The following PTPRB variants were observed in gnomAD, a reference collection of about 807,000 sequenced individuals.
The protein encoded by PTPRB is protein tyrosine phosphatase receptor type B.
A neutral mutation model predicts 238.1 loss-of-function variants in PTPRB; 97 were observed. That is an observed-to-expected ratio of 0.41 (90% CI 0.35 to 0.48). The LOEUF (loss-of-function observed/expected upper bound fraction) is 0.48, where lower values mean the gene tolerates loss of function less well. Ranked by LOEUF, PTPRB falls within the 20% of genes least tolerant of loss-of-function variation. The pLI, the probability that PTPRB is intolerant of heterozygous loss-of-function variation, is 0.30. For synonymous variants in PTPRB, 970 were observed against 995.4 expected (o/e 0.97, Z 0.48); for missense variants, 2,292 against 2,681.9 (o/e 0.85, Z 3.21).
chr12:70,572,705 G>C (rs1248875560), intron 11 of PTPRB, among the ~76,000 whole-genome samples: 1 of 150,318 alleles, frequency 6.7e-6, no homozygotes, highest in African/African-American at 2.4e-5. Context: ...GGAGGCACAG[G>C]TTGCAGTGAA....
intron 32 of PTPRB, among the ~76,000 whole-genome samples, chr12:70,530,489 TAC>T (rs67270508): frequency 4.0e-5 from 6 of 149,594 alleles, no homozygotes; most frequent in African/African-American, 7.4e-5. Context: ...TGACATGTAT[TAC>T]ACACATACAT....
intron 11 of PTPRB, among the ~76,000 whole-genome samples, chr12:70,573,137 T>C (rs1263154767): frequency 1.3e-5 from 2 of 152,222 alleles, no homozygotes; most frequent in African/African-American, 4.8e-5. Context: ...ATCTTACCTG[T>C]ATAATAAGTA....
chr12:70,539,481 T>C, intron 26 of PTPRB, 144 bp downstream of exon 26: 1 of 664,468 alleles, frequency 1.5e-6, no homozygotes, highest in Non-Finnish European at 2.6e-6. Context: ...GGGCATAGTT[T>C]AGGCATAAAA....
intron 16 of PTPRB, among the ~76,000 whole-genome samples, chr12:70,561,588 C>T (rs968674711): frequency 6.6e-6 from 1 of 152,184 alleles, no homozygotes; most frequent in African/African-American, 2.4e-5. Context: ...ATGATGACAT[C>T]TAGGCAATTC....
intron 2 of PTPRB, among the ~76,000 whole-genome samples, chr12:70,629,176 A>C (rs17108445): frequency 0.13 from 19,942 of 152,090 alleles, 2,198 homozygotes; most frequent in African/African-American, 0.29. Flanking sequence ...ATTACCCTTG[A>C]AACATTTTTT....
At chr12:70,614,131 A>G (rs1333192638) in intron 3 of PTPRB, among the ~76,000 whole-genome samples, 3 of 152,120 alleles carry the variant, frequency 2.0e-5, no homozygotes, top group Non-Finnish European at 4.4e-5. Context: ...TAGAAATGTA[A>G]ACTTACCAGC....
chr12:70,585,228 G>A (rs145095119), intron 9 of PTPRB: 4,301 of 152,056 alleles, frequency 0.028, 85 homozygotes, highest in Non-Finnish European at 0.04. Flanking sequence ...CAAAGTGCTG[G>A]GATTACAGAT....
chr12:70,575,297 C>T (rs1880555740), intron 11 of PTPRB, among the ~76,000 whole-genome samples: 1 of 152,162 alleles, frequency 6.6e-6, no homozygotes, highest in Non-Finnish European at 1.5e-5. Context: ...ATTCTAAGGA[C>T]CCCTTCAATG....
intron 15 of PTPRB, among the ~76,000 whole-genome samples, chr12:70,565,073 T>A (rs746705891): frequency 6.6e-6 from 1 of 152,110 alleles, no homozygotes; most frequent in South Asian, 2.1e-4. Context: ...CACTTCTGTA[T>A]ATCCAGCAGT....
rs75296321 is a variant in PTPRB at position 70,574,056 on chromosome 12, A to C, written c.2843-1969T>G. ...ACGGTAACTGGACATTATACATATT[A>C]ATGAGGAGGAGCATTGAAAAGAGGC... On this transcript the variant is annotated intron_variant, in intron 11 of 33. Coordinates refer to ENST00000334414, the MANE Select transcript of PTPRB (RefSeq NM_001109754.4). 2.8e-3 allele frequency among the ~76,000 whole-genome samples: 429 copies of C among 152,278 alleles called. 2 individuals are homozygous for C. The highest frequency in any genetic ancestry group is 9.6e-3 in the African/African-American group (397 of 41,564).
At chr12:70,595,569 T>C (rs1882941635) in intron 5 of PTPRB, among the ~76,000 whole-genome samples, 1 of 152,214 alleles carries the variant, frequency 6.6e-6, no homozygotes, top group Non-Finnish European at 1.5e-5. Flanking sequence ...TATATCATAA[T>C]ATGTGGGTGC....
intron 28 of PTPRB, among the ~76,000 whole-genome samples, chr12:70,537,290 A>AAAAAAAAAAAAAAAAAAAAAAAAG (rs1874303343): frequency 1.5e-5 from 1 of 68,668 alleles, no homozygotes; most frequent in African/African-American, 6.0e-5. Context: ...ATCTCAAAAA[A>AAAAAAAAAAAAAAAAAAAAAAAAG]AAAAAAAAAA....
chr12:70,534,699 C>A, intron 30 of PTPRB, 48 bp from the exon 31 acceptor site: 1 of 1,603,190 alleles, frequency 6.2e-7, no homozygotes, highest in African/African-American at 1.3e-5. Context: ...CAATGCAAAC[C>A]TTCAAACTTG....
Position 70,566,371 on chromosome 12 carries a change from G to A in PTPRB, c.3904+64C>T, listed in dbSNP as rs551969277. The A allele has an allele frequency of 3.2e-6, 5 of 1,551,756 alleles. No homozygotes were observed. The Admixed American group carries it at 5.4e-5, about 17-fold the overall frequency. On this transcript the variant is annotated intron_variant, in intron 15 of 33. Transcript: ENST00000334414. The stretch of plus-strand genomic sequence containing the variant: ...ATGTTGCTTCATCCCTCTCACCCTG[G>A]GGTTCTTACACAATAGCAGACATTG...
At chr12:70,522,150 G>A (rs1871725848) in intron 33 of PTPRB, among the ~76,000 whole-genome samples, 1 of 152,160 alleles carries the variant, frequency 6.6e-6, no homozygotes, top group Non-Finnish European at 1.5e-5. Flanking sequence ...AGGCTGGGTG[G>A]TAGAGAGAAC....
At position 70,566,427 on chromosome 12, in the gene PTPRB, C is replaced by A; in HGVS notation, c.3904+8G>T. ...ATGTGCTACAAAACATTATGCTGTG[C>A]TAATTACCTGTTCGGCCTTCAGTCT... On this transcript the variant is annotated splice_region_variant and intron_variant, in intron 15 of 33. Coordinates refer to ENST00000334414, the MANE Select transcript of PTPRB (RefSeq NM_001109754.4). 6.2e-7 allele frequency: 1 copy of A among 1,613,168 alleles called. No homozygotes were observed. The highest frequency in any genetic ancestry group is 1.1e-5 in the South Asian group (1 of 90,974).
chr12:70,523,180 CA>C, intron 33 of PTPRB, among the ~76,000 whole-genome samples: 1 of 151,882 alleles, frequency 6.6e-6, no homozygotes, highest in East Asian at 1.9e-4. Flanking sequence ...TTTTGAGATA[CA>C]ATCTTGCTCT....
chr12:70,563,103 T>C lies in PTPRB; in HGVS notation c.3909A>G (p.Pro1303=). The change falls in exon 16 of 34, where the codon CCA becomes CCG. Residue 1303 remains proline, a synonymous_variant. Transcript: ENST00000334414. Reference sequence around the variant, plus strand: ...TGATCCTCAGGTCGGTGACAGCTGCTGGGACTGGAAAAGTCGAGGAGCAAG... The same window carrying C: ...TGATCCTCAGGTCGGTGACAGCTGCCGGGACTGGAAAAGTCGAGGAGCAAG... ...KEAQTEGRTV[P]AAVTDLRITE... 6.2e-7 allele frequency: 1 copy of C among 1,611,476 alleles called. No individual in the cohort carries two copies. Among genetic ancestry groups the C allele is most frequent in the Non-Finnish European group, 8.5e-7 (1 of 1,178,538 alleles).
intron 5 of PTPRB, among the ~76,000 whole-genome samples, chr12:70,595,254 C>T (rs528614629): frequency 1.3e-5 from 2 of 152,024 alleles, no homozygotes; most frequent in Admixed American, 6.5e-5. Flanking sequence ...ACAATGAGAA[C>T]ACATGGACAC....
Sources: allele counts gnomAD v4.1 joint callset (sites outside exome capture counted in the v4.1 genomes callset), GRCh38; gene constraint gnomAD v4.1.1; transcripts MANE v1.5; gene names NCBI Gene and HGNC (gene_info 2026-07-23, HGNC 2026-07-21).